Variants in TGFBR2 observed in about 807,000 individuals in gnomAD.
The protein encoded by TGFBR2 is transforming growth factor beta receptor 2.
A neutral mutation model predicts 49.0 loss-of-function variants in TGFBR2; 18 were observed. The observed-to-expected ratio is 0.37, with a 90% CI of 0.25 to 0.54. The LOEUF is 0.54. TGFBR2 is among the 20% of genes least tolerant of loss of function. TGFBR2 has a pLI of 0.85. For synonymous variants in TGFBR2, 282 were observed against 275.9 expected (o/e 1.02, Z -0.22); for missense variants, 525 against 722.6 (o/e 0.73, Z 3.13).
intron 1 of TGFBR2, among the ~76,000 whole-genome samples, chr3:30,616,909 A>G (rs1281972481): frequency 6.6e-6 from 1 of 152,196 alleles, no homozygotes; most frequent in African/African-American, 2.4e-5. Context: ...TAAAAGGCTT[A>G]CTTGGTTTTG....
intron 6 of TGFBR2, among the ~76,000 whole-genome samples, chr3:30,689,449 G>A (rs1222572577): frequency 2.6e-5 from 4 of 152,118 alleles, no homozygotes; most frequent in African/African-American, 7.2e-5. Context: ...CATGAAGGCC[G>A]AGGCTAAGTT....
chr3:30,691,809 G>T lies in TGFBR2; in HGVS notation c.*210G>T. 1.7e-6 allele frequency: 1 copy of T among 586,090 alleles called. No individual in the cohort carries two copies. Among genetic ancestry groups the T allele is most frequent in the Admixed American group, 2.9e-5 (1 of 33,934 alleles). The allele number at this position is 586,090 out of a possible 1,614,324, so 36.3% of individuals were successfully genotyped here. ...TGCCTTTGACATTGTCATAGGATAAGCTGTGTTAGCACTTCCTCAGGAAAT... is the reference window on the plus strand; with the variant it reads ...TGCCTTTGACATTGTCATAGGATAATCTGTGTTAGCACTTCCTCAGGAAAT... On this transcript the variant is annotated 3_prime_UTR_variant, in exon 7 of 7. Coordinates refer to ENST00000295754, the MANE Select transcript of TGFBR2 (RefSeq NM_003242.6).
At chr3:30,650,954 A>T (rs1208710913) in intron 3 of TGFBR2, among the ~76,000 whole-genome samples, 1 of 152,150 alleles carries the variant, frequency 6.6e-6, no homozygotes, top group Non-Finnish European at 1.5e-5. Flanking sequence ...TTTCTTGTAC[A>T]TAGTCCCAGG....
intron 1 of TGFBR2, among the ~76,000 whole-genome samples, chr3:30,607,850 A>AAAT (rs1559444213): frequency 7.3e-5 from 10 of 137,022 alleles, no homozygotes; most frequent in African/African-American, 2.4e-4. Flanking sequence ...TATATATATA[A>AAAT]ATATATATAA....
chr3:30,621,566 C>T (rs1698232807), intron 1 of TGFBR2, among the ~76,000 whole-genome samples: 1 of 152,190 alleles, frequency 6.6e-6, no homozygotes, highest in Non-Finnish European at 1.5e-5. Context: ...CAGGCATGGG[C>T]CACTGCACCT....
At chr3:30,690,605 C>G (rs1011017431) in intron 6 of TGFBR2, among the ~76,000 whole-genome samples, 6 of 152,204 alleles carry the variant, frequency 3.9e-5, no homozygotes, top group African/African-American at 1.2e-4. Context: ...GCATACAATT[C>G]TGACGGGGGT....
chr3:30,680,036 A>C (rs1699511933), intron 5 of TGFBR2, among the ~76,000 whole-genome samples: 1 of 152,146 alleles, frequency 6.6e-6, no homozygotes, highest in Non-Finnish European at 1.5e-5. Flanking sequence ...TGAGGCAGAG[A>C]ATTGCTTGAA....
At chr3:30,631,643 T>A (rs890605993) in intron 1 of TGFBR2, among the ~76,000 whole-genome samples, 2 of 115,582 alleles carry the variant, frequency 1.7e-5, no homozygotes, top group African/African-American at 3.3e-5. Context: ...TTTTTTTTTT[T>A]ACTTCCTCTG....
At chr3:30,629,816 T>C (rs555019735) in intron 1 of TGFBR2, among the ~76,000 whole-genome samples, 1 of 152,264 alleles carries the variant, frequency 6.6e-6, no homozygotes, top group East Asian at 1.9e-4. Flanking sequence ...CTGAGAACAA[T>C]GGTAGATGCT....
intron 5 of TGFBR2, among the ~76,000 whole-genome samples, chr3:30,675,858 T>C (rs1699430225): frequency 6.6e-6 from 1 of 152,232 alleles, no homozygotes; most frequent in African/African-American, 2.4e-5. Context: ...GTGTTCTTAA[T>C]TAATCCATAT....
At chr3:30,611,383 G>A (rs1388636579) in intron 1 of TGFBR2, among the ~76,000 whole-genome samples, 4 of 152,174 alleles carry the variant, frequency 2.6e-5, no homozygotes, top group Non-Finnish European at 5.9e-5. Flanking sequence ...GACTGTTTTT[G>A]AAGTATGGAA....
At chr3:30,644,339 C>T (rs925065511) in intron 1 of TGFBR2, among the ~76,000 whole-genome samples, 1 of 152,130 alleles carries the variant, frequency 6.6e-6, no homozygotes, top group African/African-American at 2.4e-5. Context: ...TTTGGGTCAC[C>T]CTGACTTGGT....
intron 5 of TGFBR2, among the ~76,000 whole-genome samples, chr3:30,675,441 C>T (rs1699418721): frequency 1.3e-5 from 2 of 150,150 alleles, no homozygotes; most frequent in Admixed American, 6.6e-5. Context: ...GGCTGGAGTG[C>T]AATGGCGCAA....
chr3:30,690,152 C>G (rs1699687943), intron 6 of TGFBR2, among the ~76,000 whole-genome samples: 1 of 152,182 alleles, frequency 6.6e-6, no homozygotes, highest in Admixed American at 6.5e-5. Flanking sequence ...TTATCCATCC[C>G]ACTCCCAGCC....
chr3:30,662,279 A>T (rs1699145747), intron 3 of TGFBR2, among the ~76,000 whole-genome samples: 1 of 152,222 alleles, frequency 6.6e-6, no homozygotes, highest in South Asian at 2.1e-4. Flanking sequence ...ATGTCCTTCT[A>T]CCATAACATT....
intron 3 of TGFBR2, among the ~76,000 whole-genome samples, chr3:30,651,272 TCC>T (rs1449057595): frequency 6.6e-6 from 1 of 152,178 alleles, no homozygotes; most frequent in East Asian, 1.9e-4. Flanking sequence ...CTCCCCTCAC[TCC>T]CAATGCAACA....
chr3:30,672,063 T>C lies in TGFBR2; in HGVS notation c.880T>C (p.Phe294Leu). ...CTCTTGGAAGACAGAGAAGGACATC[T>C]TCTCAGACATCAATCTGAAGCATGA... ...YASWKTEKDI[F>L]SDINLKHENI... The change falls in exon 4 of 7, where the codon TTC becomes CTC. Residue 294 changes from phenylalanine to leucine, a missense_variant. Coordinates refer to ENST00000295754, the MANE Select transcript of TGFBR2 (RefSeq NM_003242.6). The surrounding 1 kb of genome is among the most constrained non-coding windows in gnomAD (Gnocchi z 4.5). The C allele has an allele frequency of 6.2e-7, 1 of 1,614,216 alleles. No homozygotes were observed. Among genetic ancestry groups the C allele is most frequent in the African/African-American group, 1.3e-5 (1 of 75,054 alleles).
chr3:30,620,412 C>T (rs1239903700), intron 1 of TGFBR2, among the ~76,000 whole-genome samples: 1 of 151,772 alleles, frequency 6.6e-6, no homozygotes, highest in Non-Finnish European at 1.5e-5. Context: ...TTTTCACCAC[C>T]AAGTGTAAAT....
chr3:30,616,667 G>T (rs914836677), intron 1 of TGFBR2, among the ~76,000 whole-genome samples: 8 of 152,104 alleles, frequency 5.3e-5, no homozygotes, highest in African/African-American at 1.9e-4. Context: ...AATCATTGAA[G>T]TTGAGTTAGA....
Sources: allele counts gnomAD v4.1 joint callset (sites outside exome capture counted in the v4.1 genomes callset), GRCh38; gene constraint gnomAD v4.1.1; non-coding constraint Gnocchi (gnomAD v3.1); transcripts MANE v1.5; gene names NCBI Gene and HGNC (gene_info 2026-07-23, HGNC 2026-07-21).